The following SH3RF2 variants were observed in gnomAD, a reference collection of about 807,000 sequenced individuals.
The protein encoded by SH3RF2 is E3 ubiquitin-protein ligase SH3RF2.
A neutral mutation model predicts 59.0 loss-of-function variants in SH3RF2; 43 were observed. That is an observed-to-expected ratio of 0.73 (90% CI 0.57 to 0.94). The LOEUF (loss-of-function observed/expected upper bound fraction) is 0.94. Among genes scored for constraint, SH3RF2 ranks in the 40% least tolerant of loss-of-function variants. The pLI is 0.00. For missense variants in SH3RF2, 930 were observed against 940.1 expected (o/e 0.99, Z 0.14); for synonymous variants, 391 against 391.5 (o/e 1.00, Z 0.01).
chr5:146,071,989 G>A (rs1471662218), intron 9 of SH3RF2, among the ~76,000 whole-genome samples: 4 of 152,204 alleles, frequency 2.6e-5, no homozygotes. Flanking sequence ...CTATCAGACA[G>A]AAGTGAGAGG....
intron 7 of SH3RF2, among the ~76,000 whole-genome samples, chr5:146,052,218 G>T (rs1360583096): frequency 6.6e-6 from 1 of 152,120 alleles, no homozygotes; most frequent in African/African-American, 2.4e-5. Context: ...GGACACTTTT[G>T]GGCAGGTATC....
Position 146,038,861 on chromosome 5 carries a change from T to C in SH3RF2, c.1060-8911T>C, listed in dbSNP as rs192935157. ...AAAACGCCAAGTGCCAAGACACTTC[T>C]GACGAAGAAGATGGAATTTGGTTGG... is the stretch of plus-strand genomic sequence containing the variant. On this transcript the variant is annotated intron_variant, in intron 5 of 9. Coordinates refer to ENST00000359120, the MANE Select transcript of SH3RF2 (RefSeq NM_152550.4). Among the ~76,000 whole-genome samples the C allele has an allele frequency of 1.1e-3, 172 of 152,360 alleles. 1 individual carries two copies. The highest frequency in any genetic ancestry group is 2.5e-3 in the Admixed American group (39 of 15,310).
chr5:145,957,771 G>A (rs1185251141), intron 2 of SH3RF2, among the ~76,000 whole-genome samples: 1 of 151,966 alleles, frequency 6.6e-6, no homozygotes, highest in Non-Finnish European at 1.5e-5. Flanking sequence ...CTTCAACAAT[G>A]TTCACCTGCA....
chr5:146,002,803 T>A (rs1199624383), intron 3 of SH3RF2, among the ~76,000 whole-genome samples: 1 of 152,170 alleles, frequency 6.6e-6, no homozygotes, highest in African/African-American at 2.4e-5. Context: ...ATGCAAGGGA[T>A]CTAAATTAGG....
intron 8 of SH3RF2, among the ~76,000 whole-genome samples, chr5:146,057,958 C>CTA (rs766022403): frequency 6.4e-5 from 9 of 140,546 alleles, no homozygotes; most frequent in East Asian, 6.0e-4. Context: ...CTCTCTCTCT[C>CTA]TCTCTCTCTC....
At chr5:146,056,961 GGC>G (rs1491218314) in intron 8 of SH3RF2, among the ~76,000 whole-genome samples, 1 of 152,084 alleles carries the variant, frequency 6.6e-6, no homozygotes, top group Non-Finnish European at 1.5e-5. Context: ...TTCCTTTTCA[GGC>G]ATTGTAAAAA....
At chr5:145,962,045 T>C (rs184791550) in intron 2 of SH3RF2, among the ~76,000 whole-genome samples, 1 of 152,316 alleles carries the variant, frequency 6.6e-6, no homozygotes, top group East Asian at 1.9e-4. Context: ...TTCTTTAAGC[T>C]CTTAATCTTA....
intron 2 of SH3RF2, among the ~76,000 whole-genome samples, chr5:145,993,826 CT>C (rs1478895758): frequency 1.3e-5 from 2 of 152,094 alleles, no homozygotes; most frequent in African/African-American, 4.8e-5. Flanking sequence ...CACCACCCCC[CT>C]GTCGTCTTGG....
intron 2 of SH3RF2, among the ~76,000 whole-genome samples, chr5:145,966,020 G>A (rs1051615017): frequency 6.6e-6 from 1 of 152,204 alleles, no homozygotes; most frequent in Non-Finnish European, 1.5e-5. Context: ...TGCAGAAGCG[G>A]GAGGAGGGAG....
intron 2 of SH3RF2, among the ~76,000 whole-genome samples, chr5:145,987,208 TC>T (rs1407440312): frequency 2.0e-5 from 3 of 152,252 alleles, no homozygotes; most frequent in East Asian, 1.9e-4. Flanking sequence ...TACATTTTTT[TC>T]CATAAGTTAT....
intron 9 of SH3RF2, 51 bp downstream of exon 9, chr5:146,060,275 C>T (rs371877656): frequency 1.4e-6 from 2 of 1,460,838 alleles, no homozygotes; most frequent in Non-Finnish European, 1.8e-6. Context: ...CCGTACTATG[C>T]ATAGTGTCTC....
intron 9 of SH3RF2, among the ~76,000 whole-genome samples, chr5:146,077,385 C>T (rs1763359224): frequency 6.6e-6 from 1 of 152,170 alleles, no homozygotes; most frequent in South Asian, 2.1e-4. Flanking sequence ...TCTGGGGGCT[C>T]ATGGATTTTA....
At chr5:146,045,737 C>T (rs944187371) in intron 5 of SH3RF2, among the ~76,000 whole-genome samples, 2 of 152,190 alleles carry the variant, frequency 1.3e-5, no homozygotes, top group African/African-American at 4.8e-5. Context: ...AATGAGTAGA[C>T]ATTTGAGTTG....
At chr5:146,073,207 G>A (rs929993196) in intron 9 of SH3RF2, among the ~76,000 whole-genome samples, 5 of 152,198 alleles carry the variant, frequency 3.3e-5, no homozygotes, top group African/African-American at 1.2e-4. Context: ...ATTTTAAAAT[G>A]CATTTTATGC....
chr5:146,065,141 C>T (rs1020133975), downstream of SH3RF2, among the ~76,000 whole-genome samples: 5 of 152,194 alleles, frequency 3.3e-5, no homozygotes, highest in South Asian at 8.3e-4. Flanking sequence ...ATCTCAATCA[C>T]GTTTGGGTCC....
chr5:145,961,131 G>A (rs1758614015), intron 2 of SH3RF2, among the ~76,000 whole-genome samples: 1 of 148,868 alleles, frequency 6.7e-6, no homozygotes, highest in South Asian at 2.1e-4. Flanking sequence ...CGTTCTTGAA[G>A]ACAGTGGGAT....
At chr5:145,989,746 AG>A (rs1211108362) in intron 2 of SH3RF2, among the ~76,000 whole-genome samples, 3 of 152,174 alleles carry the variant, frequency 2.0e-5, no homozygotes, top group Non-Finnish European at 4.4e-5. Context: ...AAGCATTGCC[AG>A]GGTGTGTCAA....
chr5:145,959,666 C>CATATAT lies in SH3RF2; in HGVS notation c.378+21371_378+21376dup, dbSNP rs112801991. 6.5e-3 allele frequency among the ~76,000 whole-genome samples: 930 copies of CATATAT among 142,332 alleles called. 12 individuals carry two copies. Among genetic ancestry groups the CATATAT allele is most frequent in the African/African-American group, 0.022 (860 of 38,968 alleles). The allele number at this position is 142,332 out of a possible 152,430, so 93.4% of individuals were successfully genotyped here. The stretch of plus-strand genomic sequence containing the variant: ...GTGTGTGTATGTGTGTGTGTGTATA[C>CATATAT]ATATATATATATATATCAGCAGAGG... On this transcript the variant is annotated intron_variant, in intron 2 of 9. Transcript: ENST00000359120.
chr5:145,995,882 T>A (rs1760127831), intron 2 of SH3RF2, among the ~76,000 whole-genome samples: 1 of 152,240 alleles, frequency 6.6e-6, no homozygotes, highest in African/African-American at 2.4e-5. Flanking sequence ...TTATTAATTA[T>A]AGAAAAACAT....
Sources: gnomAD v4.1 joint callset for allele counts (sites outside exome capture counted in the v4.1 genomes callset) on GRCh38, gnomAD v4.1.1 for gene constraint, MANE v1.5 for transcripts, NCBI Gene and HGNC (gene_info 2026-07-23, HGNC 2026-07-21) for gene names.